CTNNA3: variants seen among roughly 807,000 people sequenced by gnomAD.
CTNNA3 encodes the protein catenin alpha 3.
CTNNA3 carries 76 observed loss-of-function variants against 95.7 expected under a neutral mutation model. That is an observed-to-expected ratio of 0.79 (90% CI 0.66 to 0.96). CTNNA3 has a LOEUF of 0.96. Among genes scored for constraint, CTNNA3 ranks in the 40% least tolerant of loss-of-function variants. The pLI is 0.00. For synonymous variants in CTNNA3, 431 were observed against 374.4 expected (o/e 1.15, Z -1.74); for missense variants, 1,191 against 1,089.8 (o/e 1.09, Z -1.31).
At chr10:66,834,582 C>A (rs1392963807) in intron 7 of CTNNA3, among the ~76,000 whole-genome samples, 1 of 152,174 alleles carries the variant, frequency 6.6e-6, no homozygotes, top group East Asian at 1.9e-4. Context: ...TCTCTGCAAT[C>A]CAATTTAGCG....
chr10:67,573,434 T>A (rs1196921365), intron 3 of CTNNA3, among the ~76,000 whole-genome samples: 1 of 152,166 alleles, frequency 6.6e-6, no homozygotes, highest in Admixed American at 6.6e-5. Context: ...GCTTATGTTT[T>A]CTTTTTTCAC....
At chr10:67,127,219 G>A (rs1859760879) in intron 7 of CTNNA3, among the ~76,000 whole-genome samples, 1 of 151,758 alleles carries the variant, frequency 6.6e-6, no homozygotes, top group African/African-American at 2.4e-5. Context: ...AGTTCTATTT[G>A]GTTACTCTTT....
intron 13 of CTNNA3, among the ~76,000 whole-genome samples, chr10:66,276,420 T>C (rs890133155): frequency 6.6e-6 from 1 of 152,144 alleles, no homozygotes; most frequent in Non-Finnish European, 1.5e-5. Flanking sequence ...TTATGTACTC[T>C]TTTAAAATTT....
intron 13 of CTNNA3, among the ~76,000 whole-genome samples, chr10:66,261,562 G>A (rs2091003896): frequency 6.6e-6 from 1 of 151,806 alleles, no homozygotes; most frequent in African/African-American, 2.4e-5. Context: ...GCATTCTCAG[G>A]GGTTAACAAG....
chr10:67,573,294 G>T (rs1842035377), intron 3 of CTNNA3, among the ~76,000 whole-genome samples: 1 of 152,110 alleles, frequency 6.6e-6, no homozygotes, highest in Non-Finnish European at 1.5e-5. Context: ...CTCAAAACCA[G>T]AGATAAAATT....
intron 9 of CTNNA3, among the ~76,000 whole-genome samples, chr10:66,758,413 T>C (rs185262889): frequency 6.6e-6 from 1 of 152,320 alleles, no homozygotes; most frequent in East Asian, 1.9e-4. Flanking sequence ...TCATTATGCT[T>C]GTGTTTAATT....
At chr10:66,998,615 T>C (rs750687224) in intron 7 of CTNNA3, among the ~76,000 whole-genome samples, 7 of 151,936 alleles carry the variant, frequency 4.6e-5, no homozygotes, top group Non-Finnish European at 8.8e-5. Context: ...ACATTGGAAA[T>C]AAAGAAGTTT....
At chr10:66,703,361 C>G (rs1848015901) in intron 9 of CTNNA3, among the ~76,000 whole-genome samples, 2 of 152,192 alleles carry the variant, frequency 1.3e-5, no homozygotes, top group African/African-American at 2.4e-5. Context: ...TATATTTACT[C>G]TTCATCAATC....
chr10:66,795,142 A>G (rs1841138622), intron 7 of CTNNA3, among the ~76,000 whole-genome samples: 2 of 152,170 alleles, frequency 1.3e-5, no homozygotes, highest in Non-Finnish European at 2.9e-5. Flanking sequence ...GAATGTTCTT[A>G]ATGGCATCTA....
chr10:66,729,142 G>A (rs1336598127), intron 9 of CTNNA3, among the ~76,000 whole-genome samples: 1 of 152,070 alleles, frequency 6.6e-6, no homozygotes, highest in African/African-American at 2.4e-5. Context: ...ATAAAAAGTG[G>A]ACATGAACAG....
intron 7 of CTNNA3, among the ~76,000 whole-genome samples, chr10:67,115,605 G>A (rs1859139457): frequency 6.6e-6 from 1 of 151,620 alleles, no homozygotes; most frequent in African/African-American, 2.4e-5. Flanking sequence ...ATTAGCCACA[G>A]GATTTATCTT....
At chr10:66,584,605 G>T (rs951207148) in intron 10 of CTNNA3, among the ~76,000 whole-genome samples, 15 of 151,770 alleles carry the variant, frequency 9.9e-5, no homozygotes, top group African/African-American at 3.6e-4. Context: ...GAAGATAGCA[G>T]GTATCTATTT....
At chr10:66,723,017 G>A (rs566613611) in intron 9 of CTNNA3, among the ~76,000 whole-genome samples, 1 of 152,180 alleles carries the variant, frequency 6.6e-6, no homozygotes, top group South Asian at 2.1e-4. Flanking sequence ...TATCATTCAG[G>A]AAAGAAGTCT....
rs562018478 is a variant in CTNNA3, at chr10:67,443,290, T to C, written c.579+78552A>G. On this transcript the variant is annotated intron_variant, in intron 5 of 17. Transcript: ENST00000433211. ...TGTGTCTTTATAGCAGCATGATTTATAGTCCTTTGGGTATATACCCAGTAA... is the reference window on the plus strand; with the variant it reads ...TGTGTCTTTATAGCAGCATGATTTACAGTCCTTTGGGTATATACCCAGTAA... Among the ~76,000 whole-genome samples the C allele has an allele frequency of 1.5e-3, 226 of 150,052 alleles. 3 individuals carry two copies. Among genetic ancestry groups the C allele is most frequent in the African/African-American group, 5.3e-3 (218 of 40,782 alleles).
chr10:66,232,163 C>A (rs1473453200), intron 13 of CTNNA3, among the ~76,000 whole-genome samples: 2 of 152,164 alleles, frequency 1.3e-5, no homozygotes, highest in African/African-American at 4.8e-5. Flanking sequence ...TCTAGTTCGA[C>A]TTTGAGCAGG....
intron 5 of CTNNA3, among the ~76,000 whole-genome samples, chr10:67,481,662 T>A (rs1056843006): frequency 6.6e-6 from 1 of 152,208 alleles, no homozygotes; most frequent in African/African-American, 2.4e-5. Context: ...CTTTGTCAGA[T>A]GAGTAGGTTG....
At chr10:67,655,906 A>G (rs967751894) in intron 1 of CTNNA3, among the ~76,000 whole-genome samples, 1 of 152,202 alleles carries the variant, frequency 6.6e-6, no homozygotes, top group African/African-American at 2.4e-5. Context: ...GAAGGATTGA[A>G]ACCAGATGTT....
chr10:65,993,383 C>T (rs2078583224), intron 15 of CTNNA3, among the ~76,000 whole-genome samples: 1 of 152,160 alleles, frequency 6.6e-6, no homozygotes, highest in Non-Finnish European at 1.5e-5. Flanking sequence ...ACATCTCTCC[C>T]TTTTGATGTA....
chr10:66,027,903 C>A (rs2079373272), intron 15 of CTNNA3, among the ~76,000 whole-genome samples: 1 of 152,148 alleles, frequency 6.6e-6, no homozygotes, highest in African/African-American at 2.4e-5. Flanking sequence ...TCTAAGAATT[C>A]TCTAACTGCT....
Sources: gnomAD v4.1 joint callset for allele counts (sites outside exome capture counted in the v4.1 genomes callset) on GRCh38, gnomAD v4.1.1 for gene constraint, MANE v1.5 for transcripts, NCBI Gene and HGNC (gene_info 2026-07-23, HGNC 2026-07-21) for gene names.